Variants in TEX15 observed in about 807,000 individuals in gnomAD.
TEX15 encodes testis-expressed protein 15.
TEX15 carries 171 observed loss-of-function variants against 237.3 expected under a neutral mutation model. That is an observed-to-expected ratio of 0.72 (90% CI 0.64 to 0.82). The LOEUF (loss-of-function observed/expected upper bound fraction) is 0.82, where lower values mean the gene tolerates loss of function less well. TEX15 is among the 40% of genes least tolerant of loss of function. The probability of loss-of-function intolerance (pLI) is 0.00; values close to 1 mark genes in which losing one functional copy is unlikely to be tolerated. For synonymous variants in TEX15, 1,338 were observed against 1,269.8 expected, an observed-to-expected ratio of 1.05 and a Z score of -1.14; for missense variants, 3,750 against 3,646.5, an observed-to-expected ratio of 1.03 and a Z score of -0.73.
At chr8:30,873,826 T>C (rs1808346591) in intron 4 of TEX15, among the ~76,000 whole-genome samples, 2 of 152,148 alleles carry the variant, frequency 1.3e-5, no homozygotes, top group Non-Finnish European at 1.5e-5. Flanking sequence ...GGGAAACAAA[T>C]GAGTTTTTGT....
intron 10 of TEX15, among the ~76,000 whole-genome samples, chr8:30,836,447 C>T (rs1232537809): frequency 2.0e-5 from 3 of 151,762 alleles, no homozygotes; most frequent in East Asian, 3.9e-4. Flanking sequence ...CTCCTGACCT[C>T]GTGATCTGCC....
At chr8:30,903,291 T>C (rs983338790) in intron 1 of TEX15, among the ~76,000 whole-genome samples, 2 of 152,242 alleles carry the variant, frequency 1.3e-5, no homozygotes, top group African/African-American at 4.8e-5. Context: ...TTTAAAAGAC[T>C]GTCCCAAGAG....
chr8:30,888,245 T>C (rs531964207), intron 2 of TEX15, among the ~76,000 whole-genome samples: 6 of 152,066 alleles, frequency 3.9e-5, no homozygotes, highest in East Asian at 1.9e-4. Flanking sequence ...AGCATTTTTT[T>C]CCCTATACAT....
chr8:30,841,797 T>G (rs1391508877), intron 8 of TEX15, among the ~76,000 whole-genome samples: 7 of 152,226 alleles, frequency 4.6e-5, no homozygotes, highest in Admixed American at 4.6e-4. Flanking sequence ...AAGTAGACAT[T>G]TGCAAGGTAT....
At position 30,844,633 on chromosome 8, in the gene TEX15, C is replaced by A; in HGVS notation, c.5534G>T (p.Trp1845Leu). The change falls in exon 8 of 11, where the codon TGG becomes TTG. Residue 1845 changes from tryptophan (W) to leucine (L), a missense_variant. By Grantham distance (61) the Trp-to-Leu change is moderately conservative (BLOSUM62 -2). Coordinates refer to ENST00000643185, the MANE Select transcript of TEX15 (RefSeq NM_001350162.2). ...VKKDTEDRIT[W>L]KVKQAEKAKD... The stretch of plus-strand genomic sequence containing the variant: ...TGCTTTTTCCGCTTGTTTAACTTTC[C>A]ACGTTATTCTGTCCTCAGTGTCTTT... 2 of 1,613,214 alleles carry A rather than the reference C, an allele frequency of 1.2e-6. No individual in the cohort carries two copies. Among genetic ancestry groups the A allele is most frequent in the Non-Finnish European group, 1.7e-6 (2 of 1,179,558 alleles).
Position 30,848,661 on chromosome 8 carries a change from A to C in TEX15, c.1506T>G (p.Ser502=). Residue 502 remains serine, a synonymous_variant, in exon 8 of 11, where the codon TCT becomes TCG. Transcript: ENST00000643185. Reference sequence around the variant, plus strand: ...GAGCCCAAGATTGTGAATCATTAACAGAAGTTTTAAAGCAAGGGGTATCCA... The same window carrying C: ...GAGCCCAAGATTGTGAATCATTAACCGAAGTTTTAAAGCAAGGGGTATCCA... ...NGLDTPCFKT[S]VNDSQSWAHN... 2 of 1,614,232 alleles carry C rather than the reference A, an allele frequency of 1.2e-6. No homozygotes were observed. Among genetic ancestry groups the C allele is most frequent in the African/African-American group, 2.7e-5 (2 of 75,062 alleles).
chr8:30,907,548 T>C (rs183894263), intron 1 of TEX15, among the ~76,000 whole-genome samples: 3 of 145,086 alleles, frequency 2.1e-5, no homozygotes, highest in Non-Finnish European at 4.5e-5. Context: ...AAAATGTATA[T>C]ACAAAATTTA....
Position 30,845,058 on chromosome 8 carries a change from G to C in TEX15, c.5109C>G (p.Gly1703=). 6.2e-7 allele frequency: 1 copy of C among 1,613,536 alleles called. No individual in the cohort carries two copies. ...TTGCTATCAAAGTTAGGTTTAATGG[G>C]CCCATAAGGAAGTTTCCTGTAATAA... is the stretch of plus-strand genomic sequence containing the variant. ...QNIITGNFLM[G]PLNLTLIASK... is the part of the protein sequence containing the mutation. Residue 1703 remains glycine (G), a synonymous_variant, in exon 8 of 11, where the codon GGC becomes GGG. Coordinates refer to ENST00000643185, the MANE Select transcript of TEX15 (RefSeq NM_001350162.2).
At chr8:30,906,074 C>T (rs944585000) in intron 1 of TEX15, among the ~76,000 whole-genome samples, 1 of 152,150 alleles carries the variant, frequency 6.6e-6, no homozygotes, top group African/African-American at 2.4e-5. Context: ...CACTCTTCTG[C>T]TATATTGATT....
At chr8:30,890,695 C>T (rs1808778804) in intron 2 of TEX15, 2 of 152,160 alleles carry the variant, frequency 1.3e-5, no homozygotes, top group South Asian at 4.1e-4. Flanking sequence ...CTTAGTAACT[C>T]ACCTGTCTGT....
intron 2 of TEX15, among the ~76,000 whole-genome samples, chr8:30,890,927 G>C (rs963630524): frequency 2.0e-5 from 3 of 152,060 alleles, no homozygotes; most frequent in African/African-American, 7.2e-5. Context: ...AGATAGTATT[G>C]TAGTTAATGA....
intron 3 of TEX15, among the ~76,000 whole-genome samples, chr8:30,878,778 G>A (rs1458060547): frequency 2.6e-5 from 4 of 152,110 alleles, no homozygotes; most frequent in African/African-American, 9.7e-5. Context: ...TCCTGCTTTG[G>A]CTTCCTGAGT....
At chr8:30,862,389 A>G (rs1010215333) in intron 5 of TEX15, among the ~76,000 whole-genome samples, 1 of 152,114 alleles carries the variant, frequency 6.6e-6, no homozygotes, top group African/African-American at 2.4e-5. Flanking sequence ...GAAAATGTTT[A>G]TTTTATAATC....
intron 5 of TEX15, among the ~76,000 whole-genome samples, chr8:30,864,099 A>T (rs1164703098): frequency 6.6e-6 from 1 of 152,044 alleles, no homozygotes; most frequent in Non-Finnish European, 1.5e-5. Flanking sequence ...AACAAAATGG[A>T]AATATCAATA....
intron 1 of TEX15, among the ~76,000 whole-genome samples, chr8:30,900,282 A>G (rs10101203): frequency 0.46 from 70,261 of 152,088 alleles, 21,256 homozygotes; most frequent in African/African-American, 0.87. Context: ...GACAAATATA[A>G]CCATGCAATA....
In TEX15 at chr8:30,836,981, C is replaced by G; in HGVS notation, c.9303G>C (p.Ala3101=). ...LLYSQYFTYF[A]GEPQANGFVP... ...CAAAGCCATTTGCTTGTGGCTCCCC[C>G]GCAAAATAAGTAAAATATTGAGAGT... Residue 3101 remains alanine (A), a synonymous_variant, in exon 10 of 11, where the codon GCG becomes GCC. Coordinates refer to ENST00000643185, the MANE Select transcript of TEX15 (RefSeq NM_001350162.2). The G allele has an allele frequency of 1.2e-6, 2 of 1,614,070 alleles. No individual in the cohort carries two copies. The highest frequency in any genetic ancestry group is 1.7e-6 in the Non-Finnish European group (2 of 1,180,026).
intron 8 of TEX15, among the ~76,000 whole-genome samples, chr8:30,840,849 T>C (rs971802310): frequency 2.0e-5 from 3 of 152,192 alleles, no homozygotes; most frequent in Admixed American, 6.5e-5. Flanking sequence ...TAATCTGAAA[T>C]AACCTTCTCC....
chr8:30,910,462 C>T (rs10105661), intron 1 of TEX15, among the ~76,000 whole-genome samples: 54,518 of 151,872 alleles, frequency 0.36, 15,049 homozygotes, highest in African/African-American at 0.77. Flanking sequence ...AATTCTTTTA[C>T]AGAATTCATA....
intron 1 of TEX15, among the ~76,000 whole-genome samples, chr8:30,901,964 T>G (rs1809013220): frequency 6.6e-6 from 1 of 152,192 alleles, no homozygotes; most frequent in Non-Finnish European, 1.5e-5. Flanking sequence ...GTATTTCTGG[T>G]CTAGTGAACT....
Sources: allele counts gnomAD v4.1 joint callset (sites outside exome capture counted in the v4.1 genomes callset), GRCh38; gene constraint gnomAD v4.1.1; transcripts MANE v1.5; gene names NCBI Gene and HGNC (gene_info 2026-07-23, HGNC 2026-07-21).